Variants in SEMA6D observed in about 807,000 individuals in gnomAD.
SEMA6D encodes semaphorin-6D.
A neutral mutation model predicts 106.6 loss-of-function variants in SEMA6D; 35 were observed. The observed-to-expected ratio is 0.33, with a 90% CI of 0.25 to 0.44. The LOEUF (loss-of-function observed/expected upper bound fraction) is 0.44. Among genes scored for constraint, SEMA6D ranks in the 20% least tolerant of loss-of-function variants. SEMA6D has a pLI of 1.00. For missense variants in SEMA6D, 1,185 were observed against 1,345.9 expected, an observed-to-expected ratio of 0.88 and a Z score of 1.87; for synonymous variants, 499 against 487.7, an observed-to-expected ratio of 1.02 and a Z score of -0.31.
At chr15:47,705,437 A>G (rs2078895463) in intron 4 of SEMA6D, among the ~76,000 whole-genome samples, 1 of 152,352 alleles carries the variant, frequency 6.6e-6, no homozygotes, top group East Asian at 1.9e-4. Context: ...GAGGAAACTG[A>G]AAGTTGGAAT....
At chr15:47,700,493 G>A (rs12591590) in intron 4 of SEMA6D, among the ~76,000 whole-genome samples, 47,967 of 152,074 alleles carry the variant, frequency 0.32, 8,762 homozygotes, top group Middle Eastern at 0.45. Flanking sequence ...CTATGATGAA[G>A]CCACTGCACT....
chr15:47,728,701 G>T (rs2146586769), intron 1 of SEMA6D, among the ~76,000 whole-genome samples: 1 of 152,314 alleles, frequency 6.6e-6, no homozygotes, highest in Middle Eastern at 3.4e-3. Context: ...AATCCAGATA[G>T]CAGCTCCAGG....
chr15:47,765,096 A>C (rs769865070), intron 13 of SEMA6D, 40 bp downstream of exon 13: 68 of 1,596,632 alleles, frequency 4.3e-5, no homozygotes, highest in Non-Finnish European at 5.8e-5. Flanking sequence ...GCACTGCTCA[A>C]AAATTTTCGG....
At chr15:47,489,739 C>T (rs1177394637) in intron 3 of SEMA6D, among the ~76,000 whole-genome samples, 1 of 152,064 alleles carries the variant, frequency 6.6e-6, no homozygotes, top group African/African-American at 2.4e-5. Flanking sequence ...GCAACCTCCG[C>T]CTCCCAGGTT....
At chr15:47,314,597 CAAAAAA>C (rs764929520) in intron 1 of SEMA6D, among the ~76,000 whole-genome samples, 2 of 24,302 alleles carry the variant, frequency 8.2e-5, no homozygotes, top group Non-Finnish European at 1.1e-4. Flanking sequence ...GACTCCATCT[CAAAAAA>C]AAAAAAAAAA....
intron 2 of SEMA6D, among the ~76,000 whole-genome samples, chr15:47,444,867 A>C (rs1317152719): frequency 3.3e-5 from 5 of 152,112 alleles, no homozygotes; most frequent in Admixed American, 1.3e-4. Context: ...TAACCAGCTC[A>C]GTGTCCTCTT....
intron 1 of SEMA6D, among the ~76,000 whole-genome samples, chr15:47,407,192 T>C (rs2040604749): frequency 6.6e-6 from 1 of 151,382 alleles, no homozygotes; most frequent in Admixed American, 6.6e-5. Context: ...TGAAACCATG[T>C]CTCTACTGAA....
At chr15:47,512,281 C>T (rs1241275102) in intron 3 of SEMA6D, among the ~76,000 whole-genome samples, 3 of 152,198 alleles carry the variant, frequency 2.0e-5, no homozygotes, top group Admixed American at 6.5e-5. Flanking sequence ...TTCAATTGAG[C>T]AGTTGTGATC....
intron 1 of SEMA6D, among the ~76,000 whole-genome samples, chr15:47,370,431 C>T (rs1177240030): frequency 6.6e-6 from 1 of 151,928 alleles, no homozygotes; most frequent in African/African-American, 2.4e-5. Context: ...GAAAGGATGG[C>T]TTGAGCGTGG....
At chr15:47,479,802 T>G (rs2043101060) in intron 3 of SEMA6D, among the ~76,000 whole-genome samples, 1 of 151,954 alleles carries the variant, frequency 6.6e-6, no homozygotes, top group South Asian at 2.1e-4. Flanking sequence ...CAAATGTAAG[T>G]GGTTTGCAAT....
intron 2 of SEMA6D, among the ~76,000 whole-genome samples, chr15:47,414,479 G>C (rs2040897517): frequency 6.6e-6 from 1 of 152,144 alleles, no homozygotes; most frequent in Non-Finnish European, 1.5e-5. Context: ...ACACGCATGT[G>C]ATTGGCCTTA....
chr15:47,333,608 C>T (rs1391563250), intron 1 of SEMA6D, among the ~76,000 whole-genome samples: 2 of 152,150 alleles, frequency 1.3e-5, no homozygotes, highest in South Asian at 4.1e-4. Flanking sequence ...TGGCATACAT[C>T]ATTCACTCAG....
intron 1 of SEMA6D, among the ~76,000 whole-genome samples, chr15:47,738,913 G>A (rs768367682): frequency 3.3e-5 from 5 of 152,158 alleles, no homozygotes; most frequent in Admixed American, 6.5e-5. Flanking sequence ...CTGCCTGTCA[G>A]CTCAGGGCTC....
chr15:47,420,303 T>C (rs568769331), intron 2 of SEMA6D, among the ~76,000 whole-genome samples: 22 of 152,232 alleles, frequency 1.4e-4, no homozygotes, highest in African/African-American at 5.1e-4. Context: ...ACTGTGAAAC[T>C]GATTTTCGTC....
intron 3 of SEMA6D, among the ~76,000 whole-genome samples, chr15:47,563,664 A>G (rs1443363930): frequency 6.6e-6 from 1 of 152,074 alleles, no homozygotes; most frequent in Admixed American, 6.5e-5. Context: ...TATCCCTTCT[A>G]TTGTCTCTTT....
At chr15:47,363,671 G>A (rs1404558071) in intron 1 of SEMA6D, among the ~76,000 whole-genome samples, 1 of 152,168 alleles carries the variant, frequency 6.6e-6, no homozygotes, top group Admixed American at 6.5e-5. Context: ...GGTAAAATCT[G>A]TGATACAGAC....
intron 1 of SEMA6D, among the ~76,000 whole-genome samples, chr15:47,350,175 T>G (rs2038263223): frequency 1.3e-5 from 2 of 152,180 alleles, no homozygotes; most frequent in Admixed American, 1.3e-4. Context: ...TTCTAATAAT[T>G]TAACTGCTCT....
intron 4 of SEMA6D, among the ~76,000 whole-genome samples, chr15:47,614,900 TGA>T (rs2076978606): frequency 6.6e-6 from 1 of 152,184 alleles, no homozygotes; most frequent in African/African-American, 2.4e-5. Context: ...TTTAATCTGG[TGA>T]TTAAATGAGA....
chr15:47,202,311 G>T (rs191251040), intron 1 of SEMA6D, among the ~76,000 whole-genome samples: 15 of 152,138 alleles, frequency 9.9e-5, no homozygotes, highest in African/African-American at 3.1e-4. Flanking sequence ...TGAAACGGGT[G>T]ATCAACAGCT....
Sources: gnomAD v4.1 joint callset for allele counts (sites outside exome capture counted in the v4.1 genomes callset) on GRCh38, gnomAD v4.1.1 for gene constraint, MANE v1.5 for transcripts, NCBI Gene and HGNC (gene_info 2026-07-23, HGNC 2026-07-21) for gene names.